Variants in PRKCB observed in about 807,000 individuals in gnomAD.
PRKCB encodes protein kinase C beta type.
In PRKCB, 13 loss-of-function variants were observed where a neutral mutation model predicts 81.5. The ratio of observed to expected loss-of-function variants is 0.16; its 90% CI spans 0.10 to 0.25. The LOEUF is 0.25. PRKCB is among the 10% of genes least tolerant of loss of function. PRKCB has a pLI of 1.00. For synonymous variants in PRKCB, 335 were observed against 321.4 expected (o/e 1.04, Z -0.45); for missense variants, 509 against 875.7 (o/e 0.58, Z 5.29).
chr16:24,215,839 T>A lies in PRKCB; in HGVS notation c.*1023T>A. The A allele has an allele frequency of 1.0e-6, 1 of 985,628 alleles. No individual in the cohort carries two copies. The highest frequency in any genetic ancestry group is 1.2e-6 in the Non-Finnish European group (1 of 829,908). 61.1% of individuals were successfully genotyped at this position (985,628 alleles called of 1,614,324 possible). A position where few individuals can be genotyped will look rare whatever the true frequency, so the allele number is the denominator to read the frequency against. ...TTTGTTACTGGCTTCAGAAAGCTAA[T>A]TAAGTGCTCTGAAAAAGACACCGTT... is the stretch of plus-strand genomic sequence containing the variant. On this transcript the variant is annotated 3_prime_UTR_variant, in exon 17 of 17. Coordinates refer to ENST00000643927, the MANE Select transcript of PRKCB (RefSeq NM_002738.7).
chr16:23,934,253 T>G (rs1378960358), intron 2 of PRKCB, among the ~76,000 whole-genome samples: 2 of 152,092 alleles, frequency 1.3e-5, no homozygotes, highest in African/African-American at 4.8e-5. Context: ...CTAGGGACAC[T>G]TTGCCTTCTG....
At chr16:23,843,734 A>G (rs921447783) in intron 2 of PRKCB, among the ~76,000 whole-genome samples, 7 of 149,186 alleles carry the variant, frequency 4.7e-5, no homozygotes, top group Non-Finnish European at 1.0e-4. Flanking sequence ...AGCACTAATG[A>G]TACTCCAGAG....
At chr16:23,877,910 C>T (rs558185933) in intron 2 of PRKCB, among the ~76,000 whole-genome samples, 9 of 151,962 alleles carry the variant, frequency 5.9e-5, no homozygotes, top group South Asian at 2.1e-4. Flanking sequence ...CTCGGCTCAC[C>T]GCAACCTCCG....
At chr16:23,858,633 T>A (rs1259938419) in intron 2 of PRKCB, among the ~76,000 whole-genome samples, 1 of 152,118 alleles carries the variant, frequency 6.6e-6, no homozygotes, top group Non-Finnish European at 1.5e-5. Context: ...GGCTTCTAGT[T>A]TGAGGACTTT....
chr16:23,865,043 T>C (rs147198011), intron 2 of PRKCB, among the ~76,000 whole-genome samples: 416 of 152,218 alleles, frequency 2.7e-3, no homozygotes, highest in African/African-American at 9.7e-3. Context: ...GCTGCATCCA[T>C]GTTGCTGCAA....
At chr16:24,032,055 C>A (rs1257532636) in intron 3 of PRKCB, 81 bp from the exon 4 acceptor site, 7 of 991,564 alleles carry the variant, frequency 7.1e-6, no homozygotes, top group Non-Finnish European at 1.1e-5. Flanking sequence ...TTGGTGAGTT[C>A]TCCAGTGCCT....
intron 2 of PRKCB, among the ~76,000 whole-genome samples, chr16:23,955,435 A>G (rs1019287246): frequency 6.6e-6 from 1 of 152,108 alleles, no homozygotes; most frequent in Non-Finnish European, 1.5e-5. Context: ...CCTTTCTGAT[A>G]ACTTCAATTC....
chr16:23,944,081 A>T (rs1964174018), intron 2 of PRKCB, among the ~76,000 whole-genome samples: 1 of 152,186 alleles, frequency 6.6e-6, no homozygotes, highest in Non-Finnish European at 1.5e-5. Flanking sequence ...ATTCAGAGTC[A>T]ACACGGAAAC....
intron 2 of PRKCB, among the ~76,000 whole-genome samples, chr16:23,939,666 C>T (rs377563545): frequency 3.3e-5 from 5 of 152,226 alleles, no homozygotes; most frequent in African/African-American, 1.2e-4. Context: ...AAAAATGAAC[C>T]TCAGCCCAAG....
At chr16:24,106,295 A>C (rs977814897) in intron 7 of PRKCB, among the ~76,000 whole-genome samples, 1 of 152,164 alleles carries the variant, frequency 6.6e-6, no homozygotes, top group African/African-American at 2.4e-5. Context: ...ATTAGTTAAT[A>C]TAAGTGAGGT....
chr16:24,207,085 C>T (rs1351430192), intron 16 of PRKCB, among the ~76,000 whole-genome samples: 1 of 152,216 alleles, frequency 6.6e-6, no homozygotes, highest in South Asian at 2.1e-4. Context: ...CATGTGGCGT[C>T]ATGCCCTGAG....
chr16:23,837,120 A>G, intron 1 of PRKCB: 1 of 566,002 alleles, frequency 1.8e-6, no homozygotes, highest in Admixed American at 3.2e-5. Context: ...CCCTACCCCG[A>G]CGGAAACGCT....
intron 2 of PRKCB, among the ~76,000 whole-genome samples, chr16:23,949,267 A>G (rs1964245156): frequency 6.6e-6 from 1 of 152,248 alleles, no homozygotes; most frequent in African/African-American, 2.4e-5. Context: ...GAATGAAAGA[A>G]AGGGCCAGCC....
rs1963199279 is a variant in PRKCB, at chr16:23,886,371, A to G, written c.205+48965A>G. Among the ~76,000 whole-genome samples, 7 of 143,824 alleles carry G rather than the reference A, an allele frequency of 4.9e-5. No homozygotes were observed. The South Asian group carries it at 1.6e-3, about 33-fold the overall frequency. 94.4% of individuals were successfully genotyped at this position (143,824 alleles called of 152,430 possible). ...ATTCAACGTCATCTTTACCTCTTAG[A>G]GTCACTGCGAGGGTTGGACTATGGT... On this transcript the variant is annotated intron_variant, in intron 2 of 16. Coordinates refer to ENST00000643927, the MANE Select transcript of PRKCB (RefSeq NM_002738.7).
Position 24,191,208 on chromosome 16 carries a change from A to G in PRKCB, c.1841A>G (p.Gln614Arg). The G allele has an allele frequency of 1.2e-6, 2 of 1,614,148 alleles. No homozygotes were observed. Among genetic ancestry groups the G allele is most frequent in the Non-Finnish European group, 1.7e-6 (2 of 1,179,996 alleles). Residue 614 changes from glutamine to arginine, a missense_variant, in exon 16 of 17, where the codon CAG becomes CGG. This residue lies in a region of PRKCB where 104 missense variants were observed against 160.5 expected (regional missense o/e 0.65). Transcript: ENST00000643927. ...GAGAAACTTGAACGCAAAGAGATCC[A>G]GCCCCCTTATAAGCCAAAAGCTGTA... ...DWEKLERKEIQPPYKPKACGR... is the reference protein window; with the variant it reads ...DWEKLERKEIRPPYKPKACGR...
intron 16 of PRKCB, among the ~76,000 whole-genome samples, chr16:24,201,678 G>A (rs1421410500): frequency 6.6e-6 from 1 of 152,136 alleles, no homozygotes; most frequent in Non-Finnish European, 1.5e-5. Context: ...AAAAAGAGAA[G>A]GAATGTCCTA....
rs571083615 is a variant in PRKCB at position 24,037,140 on chromosome 16, C to A, written c.529+1593C>A. Among the ~76,000 whole-genome samples, 6 of 152,260 alleles carry A rather than the reference C, an allele frequency of 3.9e-5. No homozygotes were observed. The South Asian group carries it at 1.2e-3, about 32-fold the overall frequency. ...AGTAGCTGGGATTACAGGCGCCCAC[C>A]ACCACGCCTGGCTAATATTTGTATT... On this transcript the variant is annotated intron_variant, in intron 5 of 16. Transcript: ENST00000643927.
intron 2 of PRKCB, among the ~76,000 whole-genome samples, chr16:23,929,746 G>A (rs1451773176): frequency 1.3e-5 from 2 of 151,960 alleles, no homozygotes; most frequent in African/African-American, 4.8e-5. Context: ...TTTTTGTAAG[G>A]GATCTATTTT....
intron 16 of PRKCB, among the ~76,000 whole-genome samples, chr16:24,204,482 C>A (rs558493306): frequency 6.6e-6 from 1 of 152,128 alleles, no homozygotes; most frequent in African/African-American, 2.4e-5. Context: ...GCCTATCTCA[C>A]AGCCTTGTGG....
Sources: gnomAD v4.1 joint callset for allele counts (sites outside exome capture counted in the v4.1 genomes callset) on GRCh38, gnomAD v4.1.1 for gene constraint, gnomAD v4.1.1 regional missense constraint, MANE v1.5 for transcripts, NCBI Gene and HGNC (gene_info 2026-07-23, HGNC 2026-07-21) for gene names.